DSG4: variants seen among roughly 807,000 people sequenced by gnomAD.
DSG4 encodes desmoglein-4.
In DSG4, 87 loss-of-function variants were observed where a neutral mutation model predicts 93.1. The observed-to-expected ratio is 0.93, with a 90% CI of 0.79 to 1.12. DSG4 has a LOEUF of 1.12. DSG4 is among the 50% of genes most tolerant of loss of function. The pLI, the probability that DSG4 is intolerant of heterozygous loss-of-function variation, is 0.00. For missense variants in DSG4, 1,373 were observed against 1,285.7 expected (o/e 1.07, Z -1.04); for synonymous variants, 432 against 452.9 (o/e 0.95, Z 0.59).
chr18:31,390,626 A>G (rs777473046), intron 5 of DSG4, 30 bp from the exon 6 acceptor site: 19 of 1,612,546 alleles, frequency 1.2e-5, no homozygotes, highest in Non-Finnish European at 1.1e-5. Flanking sequence ...AAGAGTCCCA[A>G]CCATTCTCCA....
intron 5 of DSG4, among the ~76,000 whole-genome samples, chr18:31,389,480 T>A (rs1448791360): frequency 6.6e-6 from 1 of 152,174 alleles, no homozygotes; most frequent in Non-Finnish European, 1.5e-5. Context: ...CATAGCAAAC[T>A]ACATTCTATT....
At chr18:31,405,968 T>C in intron 11 of DSG4, 109 bp from the exon 12 acceptor site, 1 of 1,222,590 alleles carries the variant, frequency 8.2e-7, no homozygotes, top group East Asian at 2.5e-5. Context: ...TAAGAAAGCA[T>C]GAAAAATCTA....
At chr18:31,379,117 T>C (rs1455648996) in intron 1 of DSG4, among the ~76,000 whole-genome samples, 2 of 152,206 alleles carry the variant, frequency 1.3e-5, no homozygotes, top group African/African-American at 4.8e-5. Flanking sequence ...TGGCATTTTC[T>C]TCCTAAGGAT....
At position 31,385,063 on chromosome 18, in the gene DSG4, T is replaced by C. The variant is rs2072172740; in HGVS notation, c.49-73T>C. Reference sequence around the variant, plus strand: ...AAAATGAATTAATAAAAGAATATTGTCAATGTTTTTATGACATGGCTTCCT... The same window carrying C: ...AAAATGAATTAATAAAAGAATATTGCCAATGTTTTTATGACATGGCTTCCT... On this transcript the variant is annotated intron_variant, in intron 1 of 15. Coordinates refer to ENST00000308128, the MANE Select transcript of DSG4 (RefSeq NM_177986.5). 11 of 1,221,846 alleles carry C rather than the reference T, an allele frequency of 9.0e-6. No homozygotes were observed. In the East Asian group the frequency reaches 2.6e-4, roughly 29 times the overall value. 75.7% of individuals were successfully genotyped at this position (1,221,846 alleles called of 1,614,324 possible). A position where few individuals can be genotyped will look rare whatever the true frequency, so the allele number is the denominator to read the frequency against.
At chr18:31,399,627 ACTTTTGGAGGG>A in intron 9 of DSG4, 84 bp downstream of exon 9, 1 of 1,565,316 alleles carries the variant, frequency 6.4e-7, no homozygotes, top group Non-Finnish European at 8.8e-7. Flanking sequence ...TGGTTGTAAT[ACTTTTGGAGGG>A]CTTTTTTGCT....
At chr18:31,391,663 T>TAA (rs111644305) in intron 7 of DSG4, among the ~76,000 whole-genome samples, 2,968 of 144,416 alleles carry the variant, frequency 0.021, 102 homozygotes, top group African/African-American at 0.07. Flanking sequence ...TGTTTCGGTT[T>TAA]AAAAAAAAAA....
chr18:31,400,767 C>T, intron 9 of DSG4, 114 bp from the exon 10 acceptor site: 2 of 1,047,866 alleles, frequency 1.9e-6, no homozygotes, highest in Non-Finnish European at 2.8e-6. Flanking sequence ...AGGCAATCAT[C>T]ACTATAAAAC....
chr18:31,399,287 C>A lies in DSG4; in HGVS notation c.1021C>A (p.Gln341Lys), dbSNP rs757089004. Residue 341 changes from glutamine to lysine, a missense_variant, in exon 9 of 16, where the codon CAA (glutamine) becomes AAA (lysine). Transcript: ENST00000308128. ...TTCATTTCAGATGCTGGATTATGAA[C>A]AAGCACCTAACATTCAGCTTAGTAT... ...LKVVKMLDYE[Q>K]APNIQLSIGV... 1 of 1,613,826 alleles carries A rather than the reference C, an allele frequency of 6.2e-7. No homozygotes were observed. The highest frequency in any genetic ancestry group is 1.7e-5 in the Admixed American group (1 of 59,994).
At position 31,390,774 on chromosome 18, in the gene DSG4, T is replaced by G; in HGVS notation, c.636T>G (p.Asn212Lys). The G allele has an allele frequency of 6.2e-7, 1 of 1,613,770 alleles. No homozygotes were observed. The highest frequency in any genetic ancestry group is 1.7e-5 in the Admixed American group (1 of 59,972). ...EPSGAPMFIL[N>K]RYTGEVCTMS... is the part of the protein sequence containing the mutation. Reference sequence around the variant, plus strand: ...CAGGTGCACCCATGTTCATTCTGAATAGGTACACTGGAGAAGTCTGCACCA... The same window carrying G: ...CAGGTGCACCCATGTTCATTCTGAAGAGGTACACTGGAGAAGTCTGCACCA... Residue 212 changes from asparagine (N) to lysine (K), a missense_variant, in exon 6 of 16, where the codon AAT becomes AAG. Transcript: ENST00000308128.
chr18:31,404,861 G>A (rs2072407406), intron 11 of DSG4, among the ~76,000 whole-genome samples: 1 of 151,928 alleles, frequency 6.6e-6, no homozygotes, highest in South Asian at 2.1e-4. Context: ...TCGGATCCTA[G>A]ATATTATGAT....
intron 11 of DSG4, 131 bp downstream of exon 11, chr18:31,403,765 GA>G (rs1218311882): frequency 2.2e-5 from 18 of 823,548 alleles, no homozygotes; most frequent in East Asian, 1.1e-4. Context: ...AACATTAAAT[GA>G]AAAAAATATT....
At chr18:31,388,017 T>C (rs1598737772) in intron 3 of DSG4, among the ~76,000 whole-genome samples, 1 of 152,298 alleles carries the variant, frequency 6.6e-6, no homozygotes, top group Non-Finnish European at 1.5e-5. Context: ...ACAAGTTATT[T>C]TTAAAAAATA....
intron 6 of DSG4, 68 bp from the exon 7 acceptor site, chr18:31,391,010 G>A: frequency 1.3e-6 from 2 of 1,591,796 alleles, no homozygotes; most frequent in Non-Finnish European, 1.7e-6. Context: ...AGAAATAATG[G>A]CATTGAATGC....
At chr18:31,403,665 T>A in intron 11 of DSG4, 31 bp downstream of exon 11, 1 of 1,607,934 alleles carries the variant, frequency 6.2e-7, no homozygotes, top group Non-Finnish European at 8.5e-7. Context: ...TTTTTTGGAC[T>A]TTAAGTCCAA....
intron 8 of DSG4, among the ~76,000 whole-genome samples, chr18:31,393,206 T>C (rs1167883501): frequency 5.9e-5 from 9 of 152,214 alleles, no homozygotes; most frequent in Non-Finnish European, 1.0e-4. Context: ...GACATATATG[T>C]ACACACATAT....
In DSG4 at chr18:31,390,794, G is replaced by T. The variant is rs140124587; in HGVS notation, c.656G>T (p.Cys219Phe). 1.2e-6 allele frequency: 2 copies of T among 1,613,712 alleles called. No individual in the cohort carries two copies. Among genetic ancestry groups the T allele is most frequent in the Non-Finnish European group, 8.5e-7 (1 of 1,179,756 alleles). Residue 219 changes from cysteine (C) to phenylalanine (F), a missense_variant, in exon 6 of 16, where the codon TGC becomes TTC. By Grantham distance (205) the Cys-to-Phe change is radical (BLOSUM62 -2). Coordinates refer to ENST00000308128, the MANE Select transcript of DSG4 (RefSeq NM_177986.5). Reference protein sequence around the residue: ...FILNRYTGEVCTMSSFLDREQ... With the variant: ...FILNRYTGEVFTMSSFLDREQ... ...CTGAATAGGTACACTGGAGAAGTCTGCACCATGTCCAGTTTCTTGGACAGA... is the reference window on the plus strand; with the variant it reads ...CTGAATAGGTACACTGGAGAAGTCTTCACCATGTCCAGTTTCTTGGACAGA...
At chr18:31,386,645 A>C (rs369211300) in intron 2 of DSG4, 43 bp from the exon 3 acceptor site, 539 of 1,610,908 alleles carry the variant, frequency 3.3e-4, no homozygotes, top group Non-Finnish European at 4.4e-4. Context: ...TCTAAGTAAA[A>C]TTGTTCTCAC....
chr18:31,411,356 G>A lies in DSG4; in HGVS notation c.2263G>A (p.Ala755Thr), dbSNP rs11874681. The change falls in exon 15 of 16, where the codon GCC becomes ACC. Residue 755 changes from alanine (A) to threonine (T), a missense_variant. Coordinates refer to ENST00000308128, the MANE Select transcript of DSG4 (RefSeq NM_177986.5). ...CGCAGGGGCCGCAGGAGCCTCAGGG[G>A]CCGCAAGGAAGAGGAGCTCTACCAT... ...MAAGAAGASGAARKRSSTMGT... is the reference protein window; with the variant it reads ...MAAGAAGASGTARKRSSTMGT... 2 of 1,614,152 alleles carry A rather than the reference G, an allele frequency of 1.2e-6. No individual in the cohort carries two copies. The highest frequency in any genetic ancestry group is 2.2e-5 in the South Asian group (2 of 91,076).
rs781180015 is a variant in DSG4, at chr18:31,399,288, A to G, written c.1022A>G (p.Gln341Arg). The G allele has an allele frequency of 6.2e-7, 1 of 1,614,022 alleles. No homozygotes were observed. The highest frequency in any genetic ancestry group is 8.5e-7 in the Non-Finnish European group (1 of 1,179,930). The change falls in exon 9 of 16, where the codon CAA (glutamine) becomes CGA (arginine). Residue 341 changes from glutamine to arginine, a missense_variant. By Grantham distance (43) the Gln-to-Arg change is conservative. Transcript: ENST00000308128. ...TCATTTCAGATGCTGGATTATGAAC[A>G]AGCACCTAACATTCAGCTTAGTATC... ...LKVVKMLDYE[Q>R]APNIQLSIGV...
Sources: gnomAD v4.1 joint callset for allele counts (sites outside exome capture counted in the v4.1 genomes callset) on GRCh38, gnomAD v4.1.1 for gene constraint, MANE v1.5 for transcripts, NCBI Gene and HGNC (gene_info 2026-07-23, HGNC 2026-07-21) for gene names.